The following GOLGA4 variants were observed in gnomAD, a reference collection of about 807,000 sequenced individuals.
GOLGA4 encodes the protein golgin A4.
GOLGA4 carries 169 observed loss-of-function variants against 265.9 expected under a neutral mutation model. The ratio of observed to expected loss-of-function variants is 0.64; its 90% CI spans 0.56 to 0.72. GOLGA4 has a LOEUF of 0.72. Ranked by LOEUF, GOLGA4 falls within the 30% of genes least tolerant of loss-of-function variation. GOLGA4 has a pLI of 0.00. For synonymous variants in GOLGA4, 923 were observed against 855.8 expected, an observed-to-expected ratio of 1.08 and a Z score of -1.37; for missense variants, 2,482 against 2,483.4, an observed-to-expected ratio of 1.00 and a Z score of 0.01.
chr3:37,324,108 A>G lies in GOLGA4; in HGVS notation c.2222A>G (p.Lys741Arg), dbSNP rs191655781. The G allele has an allele frequency of 6.6e-5, 107 of 1,614,160 alleles. No individual in the cohort carries two copies. The East Asian group carries it at 2.1e-3, about 32-fold the overall frequency. The part of the protein sequence containing the change: ...HHQQQVDSII[K>R]EHEVSIQRTE... ...CAGCAGCAAGTTGACAGTATCATTA[A>G]AGAACACGAGGTATCTATCCAGAGG... Residue 741 changes from lysine (K) to arginine (R), a missense_variant, in exon 14 of 24, where the codon AAA (lysine) becomes AGA (arginine). Around this residue, in one of 3 missense-constraint regions of GOLGA4, gnomAD observed 1,536 missense variants for 1,483.7 expected, o/e 1.04. Coordinates refer to ENST00000361924, the MANE Select transcript of GOLGA4 (RefSeq NM_002078.5).
intron 23 of GOLGA4, among the ~76,000 whole-genome samples, chr3:37,365,395 G>A (rs971350945): frequency 6.6e-6 from 1 of 152,042 alleles, no homozygotes; most frequent in Non-Finnish European, 1.5e-5. Flanking sequence ...TCAGCCTCCC[G>A]AGTAGCTGGG....
chr3:37,271,821 A>C (rs1239244296), intron 2 of GOLGA4, among the ~76,000 whole-genome samples: 3 of 152,242 alleles, frequency 2.0e-5, no homozygotes, highest in Non-Finnish European at 4.4e-5. Flanking sequence ...CAGGCAAGCA[A>C]GTGAAACTTC....
rs1234158736 is a variant in GOLGA4 at position 37,327,360 on chromosome 3, T to C, written c.5474T>C (p.Ile1825Thr). The C allele has an allele frequency of 1.2e-5, 20 of 1,613,604 alleles. No individual in the cohort carries two copies. The highest frequency in any genetic ancestry group is 1.7e-5 in the Non-Finnish European group (20 of 1,179,776). Reference protein sequence around the residue: ...HVEKEGGKNNIQAKQNLENVF... With the variant: ...HVEKEGGKNNTQAKQNLENVF... ...GAAAAAGAAGGAGGTAAAAATAACATACAGGCAAAGCAAAACTTGGAAAAT... is the reference window on the plus strand; with the variant it reads ...GAAAAAGAAGGAGGTAAAAATAACACACAGGCAAAGCAAAACTTGGAAAAT... The change falls in exon 14 of 24, where the codon ATA (isoleucine) becomes ACA (threonine). Residue 1825 changes from isoleucine (I) to threonine (T), a missense_variant. This residue lies in a region of GOLGA4 where 942 missense variants were observed against 983.1 expected (regional missense o/e 0.96). Transcript: ENST00000361924.
intron 22 of GOLGA4, 106 bp downstream of exon 22, chr3:37,355,293 A>G (rs2097087889): frequency 7.5e-6 from 5 of 669,214 alleles, no homozygotes; most frequent in Non-Finnish European, 1.1e-5. Flanking sequence ...TTAAGATTTC[A>G]AATCTTTATT....
intron 20 of GOLGA4, among the ~76,000 whole-genome samples, chr3:37,342,902 AT>A (rs546184951): frequency 5.9e-5 from 9 of 151,908 alleles, no homozygotes; most frequent in African/African-American, 2.2e-4. Flanking sequence ...TGGATATATA[AT>A]TTTTTTTCTT....
chr3:37,344,042 T>C (rs1423717249), intron 20 of GOLGA4, among the ~76,000 whole-genome samples: 1 of 152,254 alleles, frequency 6.6e-6, no homozygotes, highest in African/African-American at 2.4e-5. Flanking sequence ...ATTATCTATA[T>C]GGTTACCTTG....
At chr3:37,362,931 C>G (rs1293109158) in intron 23 of GOLGA4, among the ~76,000 whole-genome samples, 1 of 151,594 alleles carries the variant, frequency 6.6e-6, no homozygotes, top group Non-Finnish European at 1.5e-5. Flanking sequence ...TACAGGTACC[C>G]GCCACCATGC....
chr3:37,253,052 C>T (rs1310895891), intron 2 of GOLGA4, among the ~76,000 whole-genome samples: 1 of 151,922 alleles, frequency 6.6e-6, no homozygotes, highest in African/African-American at 2.4e-5. Flanking sequence ...AGTTTGAGAC[C>T]AGCCTGGGCA....
intron 15 of GOLGA4, 44 bp from the exon 16 acceptor site, chr3:37,328,919 T>C (rs760051447): frequency 3.3e-5 from 48 of 1,476,130 alleles, no homozygotes; most frequent in Non-Finnish European, 4.3e-5. Flanking sequence ...ATATTAACTC[T>C]TGACTAATGT....
chr3:37,357,849 G>A (rs2097094638), intron 22 of GOLGA4, among the ~76,000 whole-genome samples: 1 of 152,304 alleles, frequency 6.6e-6, no homozygotes, highest in South Asian at 2.1e-4. Flanking sequence ...ATGATGAAAT[G>A]TGTAGAAAAC....
At chr3:37,361,047 A>G (rs1268095445) in intron 22 of GOLGA4, among the ~76,000 whole-genome samples, 196 bp from the exon 23 acceptor site, 2 of 152,150 alleles carry the variant, frequency 1.3e-5, no homozygotes, top group East Asian at 3.8e-4. Context: ...GCTACATAAT[A>G]TTATATTTAC....
At chr3:37,362,780 C>CCTTTTTT (rs1375290747) in intron 23 of GOLGA4, among the ~76,000 whole-genome samples, 3 of 75,458 alleles carry the variant, frequency 4.0e-5, no homozygotes, top group South Asian at 3.6e-4. Flanking sequence ...AGCCTCTAAG[C>CCTTTTTT]TTTTTTTTTT....
In GOLGA4 at chr3:37,327,433, T is replaced by C; in HGVS notation, c.5547T>C (p.Cys1849=). The C allele has an allele frequency of 6.2e-7, 1 of 1,613,298 alleles. No individual in the cohort carries two copies. Among genetic ancestry groups the C allele is most frequent in the Non-Finnish European group, 8.5e-7 (1 of 1,179,760 alleles). Reference sequence around the variant, plus strand: ...CCCTCCAGGAGAAGGAACTAACCTGTCAGATTTTGGAGCAAAAGATAAAAG... The same window carrying C: ...CCCTCCAGGAGAAGGAACTAACCTGCCAGATTTTGGAGCAAAAGATAAAAG... ...QKTLQEKELT[C]QILEQKIKEL... The change falls in exon 14 of 24, where the codon TGT becomes TGC. Residue 1849 remains cysteine, a synonymous_variant. Transcript: ENST00000361924.
At chr3:37,339,272 A>G (rs2097025002) in intron 19 of GOLGA4, among the ~76,000 whole-genome samples, 1 of 152,178 alleles carries the variant, frequency 6.6e-6, no homozygotes, top group Non-Finnish European at 1.5e-5. Flanking sequence ...CATCGTATGG[A>G]TATACTACAT....
intron 5 of GOLGA4, among the ~76,000 whole-genome samples, chr3:37,290,022 T>C (rs1024297654): frequency 2.6e-5 from 4 of 152,214 alleles, no homozygotes; most frequent in Admixed American, 6.5e-5. Context: ...ACTAGTGTTA[T>C]TTTGAGAAGT....
At chr3:37,363,035 G>A (rs1459596908) in intron 23 of GOLGA4, among the ~76,000 whole-genome samples, 2 of 151,826 alleles carry the variant, frequency 1.3e-5, no homozygotes, top group Non-Finnish European at 2.9e-5. Context: ...GCCCACCTTG[G>A]CCTCCCAAAG....
At chr3:37,331,416 T>C (rs1325755601) in intron 16 of GOLGA4, among the ~76,000 whole-genome samples, 1 of 152,186 alleles carries the variant, frequency 6.6e-6, no homozygotes, top group East Asian at 1.9e-4. Context: ...TCCCCAGATA[T>C]ACTTTATCCC....
chr3:37,321,698 C>CT, intron 12 of GOLGA4, 33 bp from the exon 13 acceptor site: 1 of 1,571,000 alleles, frequency 6.4e-7, no homozygotes, highest in Non-Finnish European at 8.6e-7. Flanking sequence ...GATTTATGTG[C>CT]GTTTAAGGTG....
intron 2 of GOLGA4, among the ~76,000 whole-genome samples, chr3:37,278,286 G>A (rs1342652871): frequency 6.6e-6 from 1 of 150,862 alleles, no homozygotes; most frequent in Admixed American, 6.6e-5. Context: ...TGCAACCTCT[G>A]CCTCCCAGAT....
Sources: gnomAD v4.1 joint callset for allele counts (sites outside exome capture counted in the v4.1 genomes callset) on GRCh38, gnomAD v4.1.1 for gene constraint, gnomAD v4.1.1 regional missense constraint, MANE v1.5 for transcripts, NCBI Gene and HGNC (gene_info 2026-07-23, HGNC 2026-07-21) for gene names.